BEAN1: variants seen among roughly 807,000 people sequenced by gnomAD.
BEAN1 encodes the protein brain expressed associated with NEDD4 1, also known as protein BEAN1.
A neutral mutation model predicts 17.7 loss-of-function variants in BEAN1; 17 were observed. The observed-to-expected ratio is 0.96, with a 90% confidence interval of 0.66 to 1.44. The LOEUF (loss-of-function observed/expected upper bound fraction) is 1.44. Ranked by LOEUF, BEAN1 falls within the 40% of genes most tolerant of loss-of-function variation. BEAN1 has a pLI of 0.00. For missense variants in BEAN1, 359 were observed against 374.1 expected, an observed-to-expected ratio of 0.96 and a Z score of 0.33; for synonymous variants, 142 against 151.8, an observed-to-expected ratio of 0.94 and a Z score of 0.47.
In BEAN1 at chr16:66,427,867, C is replaced by A. The variant is rs1961641303; in HGVS notation, c.-83+436C>A. On this transcript the variant is annotated intron_variant, in intron 1 of 4. Coordinates refer to ENST00000536005, the MANE Select transcript of BEAN1 (RefSeq NM_001178020.3). The surrounding 1 kb of genome is among the most constrained non-coding windows in gnomAD (Gnocchi z 4.7). ...GGGAAAACTAGGGCGCACTCTCGGT[C>A]GGGGTGGGAGAGGAAAGGGGCTGGG... The A allele has an allele frequency of 6.6e-6, 1 of 152,008 alleles. No individual in the cohort carries two copies. Among genetic ancestry groups the A allele is most frequent in the Admixed American group, 6.5e-5 (1 of 15,268 alleles). 9.4% of individuals were successfully genotyped at this position (152,008 alleles called of 1,614,324 possible).
At chr16:66,486,948 C>A (rs900048986), downstream of BEAN1, among the ~76,000 whole-genome samples, 1 of 152,208 alleles carries the variant, frequency 6.6e-6, no homozygotes, top group Non-Finnish European at 1.5e-5. Flanking sequence ...TCCAGCCAGG[C>A]CTGAGGGCTC....
downstream of BEAN1, chr16:66,486,045 A>G (rs753528433): frequency 6.6e-6 from 1 of 152,158 alleles, no homozygotes; most frequent in African/African-American, 2.4e-5. Context: ...CAGTGCCTTC[A>G]TTCTCCCATC....
At position 66,449,274 on chromosome 16, in the gene BEAN1, C is replaced by G. The variant is rs958382829; in HGVS notation, c.25+11573C>G. On this transcript the variant is annotated intron_variant, in intron 2 of 4. Transcript: ENST00000536005. Reference sequence around the variant, plus strand: ...TGGGCAACAGAGCAAGACCTTGTCTCAAAAAAACAATTCAGATTTTAAGTT... The same window carrying G: ...TGGGCAACAGAGCAAGACCTTGTCTGAAAAAAACAATTCAGATTTTAAGTT... Among the ~76,000 whole-genome samples, 3 of 151,958 alleles carry G rather than the reference C, an allele frequency of 2.0e-5. No individual in the cohort carries two copies. The East Asian group carries it at 5.8e-4, about 29-fold the overall frequency.
chr16:66,460,579 A>G (rs1322748667), intron 2 of BEAN1, among the ~76,000 whole-genome samples: 1 of 152,152 alleles, frequency 6.6e-6, no homozygotes, highest in African/African-American at 2.4e-5. Flanking sequence ...ACAGGCTCCC[A>G]TCTCTGGAAT....
chr16:66,464,472 C>A (rs963167910), intron 2 of BEAN1, among the ~76,000 whole-genome samples: 1 of 152,034 alleles, frequency 6.6e-6, no homozygotes, highest in African/African-American at 2.4e-5. Flanking sequence ...TCCTGAGTAG[C>A]TGGAATTACA....
At position 66,480,523 on chromosome 16, in the gene BEAN1, C is replaced by T. The variant is rs986445883; in HGVS notation, c.441-63C>T. On this transcript the variant is annotated intron_variant, in intron 4 of 4. Coordinates refer to ENST00000536005, the MANE Select transcript of BEAN1 (RefSeq NM_001178020.3). Reference sequence around the variant, plus strand: ...TTGTCACTGCAGATAGACCCCCAGGCCTTTGGGAGAGACCCAGCCCTAAGG... The same window carrying T: ...TTGTCACTGCAGATAGACCCCCAGGTCTTTGGGAGAGACCCAGCCCTAAGG... The T allele has an allele frequency of 5.3e-6, 7 of 1,324,386 alleles. No homozygotes were observed. In the African/African-American group the frequency reaches 1.0e-4, roughly 20 times the overall value. The allele number at this position is 1,324,386 out of a possible 1,614,324, so 82.0% of individuals were successfully genotyped here. A position where few individuals can be genotyped will look rare whatever the true frequency, so the allele number is the denominator to read the frequency against.
intron 2 of BEAN1, among the ~76,000 whole-genome samples, chr16:66,445,765 G>C (rs1252983810): frequency 1.3e-5 from 2 of 152,114 alleles, no homozygotes; most frequent in African/African-American, 4.8e-5. Flanking sequence ...AGCCGTGGGA[G>C]GACTTTGGCA....
downstream of BEAN1, among the ~76,000 whole-genome samples, chr16:66,494,500 T>C (rs967769570): frequency 2.6e-5 from 4 of 152,032 alleles, no homozygotes; most frequent in Non-Finnish European, 5.9e-5. Flanking sequence ...TCCCTTTAGG[T>C]TTTCTGTCCT....
intron 2 of BEAN1, among the ~76,000 whole-genome samples, chr16:66,441,807 T>C (rs1239670524): frequency 1.3e-5 from 2 of 152,104 alleles, no homozygotes; most frequent in Non-Finnish European, 2.9e-5. Flanking sequence ...GGCTTGTCCA[T>C]CAGCCCCTCA....
At chr16:66,470,018 C>A (rs772433933) in intron 3 of BEAN1, 153 bp downstream of exon 3, 17 of 1,069,430 alleles carry the variant, frequency 1.6e-5, no homozygotes, top group Admixed American at 2.8e-5. Context: ...AGCTCACAGG[C>A]GCCCACCATA....
intron 1 of BEAN1, among the ~76,000 whole-genome samples, chr16:66,431,603 G>GT (rs35362890): frequency 0.58 from 86,283 of 148,516 alleles, 27,000 homozygotes; most frequent in East Asian, 0.71. Flanking sequence ...ATATTCCCTA[G>GT]TTTTTTTTTT....
chr16:66,492,305 G>A (rs1369189283), intron 4 of BEAN1, among the ~76,000 whole-genome samples: 1 of 151,906 alleles, frequency 6.6e-6, no homozygotes, highest in Admixed American at 6.6e-5. Context: ...CCCTCCCAAA[G>A]TGCTGGGTTT....
Position 66,482,527 on chromosome 16 carries a change from G to C in BEAN1, c.*1602G>C. ...TGGGGGAGGGACTTGTTTACAAGCA[G>C]TTCTGACCACCTTAGTGGTGTACTG... On this transcript the variant is annotated 3_prime_UTR_variant, in exon 5 of 5. Transcript: ENST00000536005. The C allele has an allele frequency of 4.2e-6, 1 of 238,160 alleles. No individual in the cohort carries two copies. The highest frequency in any genetic ancestry group is 8.4e-6 in the Non-Finnish European group (1 of 119,484). The allele number at this position is 238,160 out of a possible 1,614,324, so 14.8% of individuals were successfully genotyped here.
At chr16:66,461,267 T>A (rs1017585992) in intron 2 of BEAN1, among the ~76,000 whole-genome samples, 1 of 152,182 alleles carries the variant, frequency 6.6e-6, no homozygotes, top group African/African-American at 2.4e-5. Context: ...TAGGCCCTTG[T>A]TTTGGAAATT....
intron 3 of BEAN1, among the ~76,000 whole-genome samples, chr16:66,474,585 G>GGAAGGAGA (rs1963631467): frequency 4.0e-4 from 9 of 22,704 alleles, no homozygotes; most frequent in Non-Finnish European, 8.8e-4. Flanking sequence ...AGGGAGAGAG[G>GGAAGGAGA]GAGGGAGGGA....
chr16:66,493,620 C>A (rs898541046), downstream of BEAN1: 7 of 530,330 alleles, frequency 1.3e-5, no homozygotes, highest in Non-Finnish European at 2.0e-5. Flanking sequence ...GAGGTGGTCA[C>A]CGCCTCAGGG....
In BEAN1 at chr16:66,473,030, T is replaced by C. The variant is rs1567504001; in HGVS notation, c.289+3165T>C. Among the ~76,000 whole-genome samples the C allele has an allele frequency of 6.6e-6, 1 of 151,818 alleles. No individual in the cohort carries two copies. Among genetic ancestry groups the C allele is most frequent in the African/African-American group, 2.4e-5 (1 of 41,302 alleles). On this transcript the variant is annotated intron_variant, in intron 3 of 4. Coordinates refer to ENST00000536005, the MANE Select transcript of BEAN1 (RefSeq NM_001178020.3). The surrounding 1 kb of genome is among the most constrained non-coding windows in gnomAD (Gnocchi z 4.5). ...GAGAGAGACCCTGTCTCTAAAAAAA[T>C]AAAAAAATTAAGACTGGGAAACTGA...
downstream of BEAN1, chr16:66,485,358 T>C: frequency 5.7e-6 from 2 of 352,320 alleles, no homozygotes; most frequent in Non-Finnish European, 1.1e-5. Context: ...TGGTGTTGCA[T>C]ACTCCAGTGC....
rs1963978409 is a variant in BEAN1 at position 66,481,258 on chromosome 16, G to A, written c.*333G>A. 1 of 399,676 alleles carries A rather than the reference G, an allele frequency of 2.5e-6. No homozygotes were observed. Among genetic ancestry groups the A allele is most frequent in the Non-Finnish European group, 4.4e-6 (1 of 226,762 alleles). The allele number at this position is 399,676 out of a possible 1,614,324, so 24.8% of individuals were successfully genotyped here. A position where few individuals can be genotyped will look rare whatever the true frequency, so the allele number is the denominator to read the frequency against. On this transcript the variant is annotated 3_prime_UTR_variant, in exon 5 of 5. Transcript: ENST00000536005. This position sits in a 1 kb window ranked among gnomAD's most constrained non-coding sequence, Gnocchi z 4.1. ...CTCTGTAGAGAGCGCTTCGGAGAGA[G>A]AGGCGAAGTAGGAAGTGGGATTTTC...
Sources: allele counts gnomAD v4.1 joint callset (sites outside exome capture counted in the v4.1 genomes callset), GRCh38; gene constraint gnomAD v4.1.1; non-coding constraint Gnocchi (gnomAD v3.1); transcripts MANE v1.5; gene names NCBI Gene and HGNC (gene_info 2026-07-23, HGNC 2026-07-21).